The following CATSPERE variants were observed in gnomAD, a reference collection of about 807,000 sequenced individuals.
The protein encoded by CATSPERE is catsper channel auxiliary subunit epsilon, also known as cation channel sperm-associated auxiliary subunit epsilon.
CATSPERE carries 93 observed loss-of-function variants against 114.1 expected under a neutral mutation model. The ratio of observed to expected loss-of-function variants is 0.81; its 90% confidence interval spans 0.69 to 0.97. The LOEUF is 0.97. Ranked by LOEUF, CATSPERE falls within the 50% of genes least tolerant of loss-of-function variation. The pLI, the probability that CATSPERE is intolerant of heterozygous loss-of-function variation, is 0.00. For missense variants in CATSPERE, 1,058 were observed against 1,131.6 expected, an observed-to-expected ratio of 0.93 and a Z score of 0.93; for synonymous variants, 341 against 384.1, an observed-to-expected ratio of 0.89 and a Z score of 1.31.
intron 3 of CATSPERE, 55 bp downstream of exon 3, chr1:244,477,669 A>G: frequency 1.7e-6 from 2 of 1,187,552 alleles, no homozygotes; most frequent in Non-Finnish European, 2.5e-6. Flanking sequence ...ATTCATTCAT[A>G]TAATGTGAAC....
rs1673327420 is a variant in CATSPERE at position 244,627,294 on chromosome 1, A to G, written c.2649-8195A>G. On this transcript the variant is annotated intron_variant, in intron 20 of 21. Coordinates refer to ENST00000366534, the MANE Select transcript of CATSPERE (RefSeq NM_001130957.2). ...GAGATCACTGACCACAGATCTTATA[A>G]CAGATATAATAATAGTGAAAAAGGC... Among the ~76,000 whole-genome samples, 6 of 152,170 alleles carry G rather than the reference A, an allele frequency of 3.9e-5. No individual in the cohort carries two copies. In the South Asian group the frequency reaches 1.2e-3, roughly 32 times the overall value.
At chr1:244,522,133 G>T (rs867909402) in intron 8 of CATSPERE, among the ~76,000 whole-genome samples, 1 of 152,252 alleles carries the variant, frequency 6.6e-6, no homozygotes, top group East Asian at 1.9e-4. Context: ...ATAACAAACT[G>T]TCTCTCAGAC....
chr1:244,543,906 C>G (rs1659301598), intron 8 of CATSPERE, among the ~76,000 whole-genome samples: 1 of 151,948 alleles, frequency 6.6e-6, no homozygotes, highest in Admixed American at 6.6e-5. Context: ...TAACTCACAC[C>G]TTGTCATGGC....
At position 244,461,509 on chromosome 1, in the gene CATSPERE, G is replaced by C. The variant is rs1485160777; in HGVS notation, c.65+15G>C. ...GCCCTTTGGAGGTAGAGAGACGCCA[G>C]TCGCAGGCGAGCGACTAGGCGGGGA... On this transcript the variant is annotated intron_variant, in intron 1 of 21. Transcript: ENST00000366534. 7.7e-7 allele frequency: 1 copy of C among 1,301,764 alleles called. No homozygotes were observed. The highest frequency in any genetic ancestry group is 1.5e-5 in the African/African-American group (1 of 65,650). The allele number at this position is 1,301,764 out of a possible 1,614,324, so 80.6% of individuals were successfully genotyped here.
intron 8 of CATSPERE, among the ~76,000 whole-genome samples, chr1:244,527,182 G>C (rs973274451): frequency 1.3e-5 from 2 of 152,268 alleles, no homozygotes; most frequent in Admixed American, 1.3e-4. Flanking sequence ...TTATTAGGGG[G>C]TAATTTCCTC....
chr1:244,630,027 G>C (rs1673726149), intron 20 of CATSPERE, among the ~76,000 whole-genome samples: 2 of 152,178 alleles, frequency 1.3e-5, no homozygotes, highest in Non-Finnish European at 2.9e-5. Flanking sequence ...GGACCAGCAT[G>C]ATGTTCTATG....
chr1:244,637,713 C>A (rs1289060395), intron 21 of CATSPERE, among the ~76,000 whole-genome samples: 3 of 152,194 alleles, frequency 2.0e-5, no homozygotes, highest in Non-Finnish European at 4.4e-5. Flanking sequence ...GGCAAATCCC[C>A]AACTACCTAC....
At position 244,581,517 on chromosome 1, in the gene CATSPERE, T is replaced by TA. The variant is rs1666171633; in HGVS notation, c.1951-278dup. 2.6e-5 allele frequency among the ~76,000 whole-genome samples: 4 copies of TA among 152,320 alleles called. No individual in the cohort carries two copies. The South Asian group carries it at 6.2e-4, about 24-fold the overall frequency. ...ATTTTATTATGGAAAATGTCAAACA[T>TA]ACAGAAAAGTTGAAAGAATTTTACA... On this transcript the variant is annotated intron_variant, in intron 11 of 21. Transcript: ENST00000366534.
At chr1:244,552,262 T>G in intron 8 of CATSPERE, 60 bp from the exon 9 acceptor site, 1 of 1,507,906 alleles carries the variant, frequency 6.6e-7, no homozygotes, top group Non-Finnish European at 8.8e-7. Flanking sequence ...AGATATCAAC[T>G]GTACAAGATG....
intron 6 of CATSPERE, among the ~76,000 whole-genome samples, chr1:244,491,821 C>T (rs1454484716): frequency 2.0e-5 from 3 of 152,182 alleles, no homozygotes; most frequent in Non-Finnish European, 4.4e-5. Flanking sequence ...AACACCTCTA[C>T]ACAAATAAAC....
intron 20 of CATSPERE, among the ~76,000 whole-genome samples, chr1:244,630,508 G>C (rs996110032): frequency 6.6e-6 from 1 of 152,068 alleles, no homozygotes; most frequent in African/African-American, 2.4e-5. Flanking sequence ...TACATTGCGT[G>C]GGGGAGATAG....
chr1:244,454,655 C>T (rs985328305), intron 1 of CATSPERE: 1 of 151,606 alleles, frequency 6.6e-6, no homozygotes, highest in South Asian at 2.1e-4. Context: ...CTCTCTCTCT[C>T]TTTCTCAGTA....
intron 9 of CATSPERE, among the ~76,000 whole-genome samples, chr1:244,558,434 C>CT (rs566268444): frequency 7.2e-5 from 11 of 152,018 alleles, no homozygotes; most frequent in Non-Finnish European, 1.6e-4. Context: ...CATTTTGTTC[C>CT]TTTTTTATCA....
At chr1:244,608,349 A>G (rs1670267604) in intron 18 of CATSPERE, among the ~76,000 whole-genome samples, 1 of 151,954 alleles carries the variant, frequency 6.6e-6, no homozygotes. Flanking sequence ...CCTGGGCAAC[A>G]TAGTGGAACC....
intron 10 of CATSPERE, among the ~76,000 whole-genome samples, chr1:244,563,185 TC>T (rs1662859589): frequency 6.6e-6 from 1 of 152,208 alleles, no homozygotes; most frequent in South Asian, 2.1e-4. Context: ...GCATTTGGGT[TC>T]CAAGTATTTG....
At position 244,573,584 on chromosome 1, in the gene CATSPERE, A is replaced by G. The variant is rs1381585423; in HGVS notation, c.1950+812A>G. 6.6e-6 allele frequency among the ~76,000 whole-genome samples: 1 copy of G among 152,154 alleles called. No individual in the cohort carries two copies. The highest frequency in any genetic ancestry group is 6.5e-5 in the Admixed American group (1 of 15,276). ...TGACCTAAGATGGCCTCATTAATCT[A>G]AGGGGCCTCAGCTGGAACACTTGCC... On this transcript the variant is annotated intron_variant, in intron 11 of 21. Transcript: ENST00000366534. The surrounding 1 kb of genome is among the most constrained non-coding windows in gnomAD (Gnocchi z 4.0).
At chr1:244,517,053 T>C (rs924386134) in intron 7 of CATSPERE, among the ~76,000 whole-genome samples, 4 of 152,088 alleles carry the variant, frequency 2.6e-5, no homozygotes, top group African/African-American at 9.7e-5. Flanking sequence ...TTGAAAATGA[T>C]GTTTATAGAC....
chr1:244,558,927 A>C (rs532460670), intron 9 of CATSPERE, among the ~76,000 whole-genome samples: 1 of 152,308 alleles, frequency 6.6e-6, no homozygotes, highest in East Asian at 1.9e-4. Flanking sequence ...CTGAGAATCC[A>C]GAGTGTGGAT....
intron 6 of CATSPERE, among the ~76,000 whole-genome samples, chr1:244,494,659 A>T (rs1247141794): frequency 6.6e-6 from 1 of 152,116 alleles, no homozygotes; most frequent in East Asian, 1.9e-4. Context: ...ATTCTGGAAT[A>T]GAGGATGATT....
Sources: allele counts gnomAD v4.1 joint callset (sites outside exome capture counted in the v4.1 genomes callset), GRCh38; gene constraint gnomAD v4.1.1; non-coding constraint Gnocchi (gnomAD v3.1); transcripts MANE v1.5; gene names NCBI Gene and HGNC (gene_info 2026-07-23, HGNC 2026-07-21).